Variants in PDPK1 observed in about 807,000 individuals in gnomAD.
PDPK1 encodes 3-phosphoinositide-dependent protein kinase 1.
In PDPK1, 7 loss-of-function variants were observed where a neutral mutation model predicts 39.8. The ratio of observed to expected loss-of-function variants is 0.18; its 90% CI spans 0.10 to 0.33. The LOEUF is 0.33. PDPK1 is among the 10% of genes least tolerant of loss of function. PDPK1 has a pLI of 1.00. For missense variants in PDPK1, 182 were observed against 384.7 expected (o/e 0.47, Z 4.41); for synonymous variants, 118 against 159.1 (o/e 0.74, Z 1.95).
At chr16:2,585,364 G>C (rs2066846180) in intron 10 of PDPK1, among the ~76,000 whole-genome samples, 1 of 152,192 alleles carries the variant, frequency 6.6e-6, no homozygotes. Context: ...CCTCACACGG[G>C]GACAGTGAGT....
At chr16:2,592,668 C>G in intron 11 of PDPK1, 1 of 413,310 alleles carries the variant, frequency 2.4e-6, no homozygotes, top group Non-Finnish European at 4.8e-6. Context: ...GAGCGAGACT[C>G]TGTCTTAAAA....
chr16:2,558,442 A>G (rs1198394460), intron 2 of PDPK1, among the ~76,000 whole-genome samples: 1 of 150,420 alleles, frequency 6.6e-6, no homozygotes, highest in African/African-American at 2.5e-5. Context: ...CGCTCTGGAC[A>G]TTTGCTGGAG....
At chr16:2,538,921 C>G (rs567925402) in intron 1 of PDPK1, 3 of 447,460 alleles carry the variant, frequency 6.7e-6, no homozygotes, top group Non-Finnish European at 1.1e-5. Flanking sequence ...GTTCTACAGT[C>G]TGGGGACGAC....
At position 2,597,895 on chromosome 16, in the gene PDPK1, A is replaced by G; in HGVS notation, c.*128A>G. 1 of 605,052 alleles carries G rather than the reference A, an allele frequency of 1.7e-6. No homozygotes were observed. The highest frequency in any genetic ancestry group is 2.1e-5 in the South Asian group (1 of 47,628). The allele number at this position is 605,052 out of a possible 1,614,324, so 37.5% of individuals were successfully genotyped here. ...GGGAACGCAGAGGCGGAAACCTTGC[A>G]GCATTTTTATTTAAAAGAAAAGAAG... On this transcript the variant is annotated 3_prime_UTR_variant, in exon 14 of 14. Transcript: ENST00000342085. This position sits in a 1 kb window ranked among gnomAD's most constrained non-coding sequence, Gnocchi z 6.3.
In PDPK1 at chr16:2,593,023, C is replaced by T; in HGVS notation, c.1344-2770C>T. On this transcript the variant is annotated intron_variant, in intron 11 of 13. Coordinates refer to ENST00000342085, the MANE Select transcript of PDPK1 (RefSeq NM_002613.5). The surrounding 1 kb of genome is among the most constrained non-coding windows in gnomAD (Gnocchi z 4.2). Reference sequence around the variant, plus strand: ...TGCCTCTGGGCTCCTTGCCTGTGGCCTTTTTTTTTCTCAGGATGGATTTCT... The same window carrying T: ...TGCCTCTGGGCTCCTTGCCTGTGGCTTTTTTTTTTCTCAGGATGGATTTCT... The T allele has an allele frequency of 2.2e-6, 1 of 455,478 alleles. No individual in the cohort carries two copies. The highest frequency in any genetic ancestry group is 4.4e-6 in the Non-Finnish European group (1 of 226,618). The allele number at this position is 455,478 out of a possible 1,614,324, so 28.2% of individuals were successfully genotyped here.
At chr16:2,544,656 T>C (rs2066304378) in intron 1 of PDPK1, among the ~76,000 whole-genome samples, 1 of 151,998 alleles carries the variant, frequency 6.6e-6, no homozygotes, top group African/African-American at 2.4e-5. Flanking sequence ...CGATCTCGGC[T>C]CACTGCAAGC....
At chr16:2,595,932 C>A in intron 12 of PDPK1, 82 bp downstream of exon 12, 2 of 982,992 alleles carry the variant, frequency 2.0e-6, no homozygotes, top group Non-Finnish European at 3.3e-6. Context: ...AGCTTGGTGG[C>A]GTGGAATCCT....
At chr16:2,573,802 T>TA (rs1419026125) in intron 6 of PDPK1, among the ~76,000 whole-genome samples, 6 of 122,910 alleles carry the variant, frequency 4.9e-5, no homozygotes, top group Non-Finnish European at 8.1e-5. Flanking sequence ...TTTTTATTTT[T>TA]TTTTTTTTTG....
Position 2,599,444 on chromosome 16 carries a change from G to A in PDPK1, c.*1677G>A. The stretch of plus-strand genomic sequence containing the variant: ...ACGGGGCCTGGGAGGGGGCAGAGAT[G>A]TTCCCCAGGCCCTGCCTGTGGTTCC... On this transcript the variant is annotated 3_prime_UTR_variant, in exon 14 of 14. Coordinates refer to ENST00000342085, the MANE Select transcript of PDPK1 (RefSeq NM_002613.5). 4.3e-6 allele frequency: 1 copy of A among 233,208 alleles called. No individual in the cohort carries two copies. The highest frequency in any genetic ancestry group is 8.5e-6 in the Non-Finnish European group (1 of 117,992). The allele number at this position is 233,208 out of a possible 1,614,324, so 14.4% of individuals were successfully genotyped here.
At chr16:2,547,273 C>A (rs915616778) in intron 1 of PDPK1, among the ~76,000 whole-genome samples, 1 of 145,398 alleles carries the variant, frequency 6.9e-6, no homozygotes, top group Non-Finnish European at 1.5e-5. Context: ...GGTTCGTCTG[C>A]GTTTCTCTCT....
intron 10 of PDPK1, among the ~76,000 whole-genome samples, chr16:2,585,703 T>A (rs990105003): frequency 5.3e-5 from 8 of 152,194 alleles, no homozygotes; most frequent in Non-Finnish European, 5.9e-5. Context: ...GTTTCCACCA[T>A]GCCCGTTGGC....
At chr16:2,553,545 A>AC (rs1277106459) in intron 1 of PDPK1, among the ~76,000 whole-genome samples, 2 of 118,602 alleles carry the variant, frequency 1.7e-5, no homozygotes, top group Non-Finnish European at 3.4e-5. Context: ...TCGCCATGTT[A>AC]CCCAGGCTGG....
At chr16:2,595,100 G>C (rs1170597513) in intron 11 of PDPK1, among the ~76,000 whole-genome samples, 1 of 152,214 alleles carries the variant, frequency 6.6e-6, no homozygotes, top group East Asian at 1.9e-4. Flanking sequence ...TCCAGCCTGG[G>C]TGACGGAGCA....
intron 7 of PDPK1, among the ~76,000 whole-genome samples, chr16:2,577,725 TG>T (rs1246050514): frequency 6.7e-6 from 1 of 149,568 alleles, no homozygotes; most frequent in Non-Finnish European, 1.5e-5. Flanking sequence ...TTGAATCGTT[TG>T]GGTTTTTTTT....
chr16:2,561,439 T>TA, intron 2 of PDPK1, 41 bp from the exon 3 acceptor site: 1 of 296,192 alleles, frequency 3.4e-6, no homozygotes, highest in Non-Finnish European at 5.9e-6. Flanking sequence ...TCCTGGTTAT[T>TA]ACATTGTGTG....
chr16:2,599,019 G>A lies in PDPK1; in HGVS notation c.*1252G>A, dbSNP rs376035884. Reference sequence around the variant, plus strand: ...ACACTTCAACCCCAGCTTGCTGGTCGGCTTTCCTCTAGAGAGAGCCGGTTT... The same window carrying A: ...ACACTTCAACCCCAGCTTGCTGGTCAGCTTTCCTCTAGAGAGAGCCGGTTT... On this transcript the variant is annotated 3_prime_UTR_variant, in exon 14 of 14. Transcript: ENST00000342085. 5 of 233,232 alleles carry A rather than the reference G, an allele frequency of 2.1e-5. No homozygotes were observed. The highest frequency in any genetic ancestry group is 1.8e-4 in the South Asian group (1 of 5,536). 14.4% of individuals were successfully genotyped at this position (233,232 alleles called of 1,614,324 possible). A position where few individuals can be genotyped will look rare whatever the true frequency, so the allele number is the denominator to read the frequency against.
intron 12 of PDPK1, among the ~76,000 whole-genome samples, chr16:2,596,675 A>G (rs1179674019): frequency 2.0e-5 from 3 of 152,244 alleles, no homozygotes; most frequent in Non-Finnish European, 2.9e-5. Context: ...GATTAGACAG[A>G]ACACAAACCA....
intron 2 of PDPK1, among the ~76,000 whole-genome samples, chr16:2,560,023 AGTGATAGGAG>A: frequency 6.6e-6 from 1 of 150,470 alleles, no homozygotes; most frequent in South Asian, 2.1e-4. Flanking sequence ...GGGAAAGGAC[AGTGATAGGAG>A]GCTGGGCAAG....
Position 2,593,804 on chromosome 16 carries a change from G to A in PDPK1, c.1344-1989G>A, listed in dbSNP as rs1365634525. 6.5e-6 allele frequency: 1 copy of A among 152,738 alleles called. No homozygotes were observed. Among genetic ancestry groups the A allele is most frequent in the Non-Finnish European group, 1.5e-5 (1 of 68,434 alleles). 9.5% of individuals were successfully genotyped at this position (152,738 alleles called of 1,614,324 possible). A position where few individuals can be genotyped will look rare whatever the true frequency, so the allele number is the denominator to read the frequency against. On this transcript the variant is annotated intron_variant, in intron 11 of 13. Coordinates refer to ENST00000342085, the MANE Select transcript of PDPK1 (RefSeq NM_002613.5). The surrounding 1 kb of genome is among the most constrained non-coding windows in gnomAD (Gnocchi z 4.2). ...GTCAGAGTGGCTTCCTGCCGGCTCTGTGGTCCCTCCAGGCATTTCTGTGCT... is the reference window on the plus strand; with the variant it reads ...GTCAGAGTGGCTTCCTGCCGGCTCTATGGTCCCTCCAGGCATTTCTGTGCT...
Sources: allele counts gnomAD v4.1 joint callset (sites outside exome capture counted in the v4.1 genomes callset), GRCh38; gene constraint gnomAD v4.1.1; non-coding constraint Gnocchi (gnomAD v3.1); transcripts MANE v1.5; gene names NCBI Gene and HGNC (gene_info 2026-07-23, HGNC 2026-07-21).